The following ATG7 variants were observed in gnomAD, a reference collection of about 807,000 sequenced individuals.
The protein encoded by ATG7 is autophagy related 7, also known as ubiquitin-like modifier-activating enzyme ATG7.
ATG7 carries 70 observed loss-of-function variants against 82.4 expected under a neutral mutation model. The ratio of observed to expected loss-of-function variants is 0.85; its 90% confidence interval spans 0.70 to 1.04. ATG7 has a LOEUF of 1.04. ATG7 is among the 50% of genes least tolerant of loss of function. The pLI is 0.00. For missense variants in ATG7, 792 were observed against 864.3 expected (o/e 0.92, Z 1.05); for synonymous variants, 287 against 313.0 (o/e 0.92, Z 0.88).
chr3:11,526,627 G>T lies in ATG7; in HGVS notation c.2080-28184G>T, dbSNP rs141814171. ...GCATTGTTGACCTATCTTGTTAGTT[G>T]TAACAGTTTGAAAATTCTTTCAGAT... is the stretch of plus-strand genomic sequence containing the variant. On this transcript the variant is annotated intron_variant, in intron 20 of 20. Coordinates refer to ENST00000693202, the MANE Select transcript of ATG7 (RefSeq NM_001349232.2). Among the ~76,000 whole-genome samples the T allele has an allele frequency of 2.0e-3, 311 of 152,252 alleles. 3 individuals carry two copies. The highest frequency in any genetic ancestry group is 2.6e-3 in the Non-Finnish European group (176 of 68,002).
At chr3:11,413,646 T>A (rs767576025) in intron 19 of ATG7, among the ~76,000 whole-genome samples, 8 of 152,360 alleles carry the variant, frequency 5.3e-5, no homozygotes, top group Non-Finnish European at 1.2e-4. Context: ...TTACTGTTAT[T>A]TCATTGAGGA....
intron 18 of ATG7, among the ~76,000 whole-genome samples, chr3:11,376,384 G>C (rs948563640): frequency 6.6e-6 from 1 of 152,156 alleles, no homozygotes; most frequent in East Asian, 1.9e-4. Context: ...ATTCCTCAAG[G>C]TATTTTGGGC....
chr3:11,451,016 T>C (rs1052086318), intron 20 of ATG7, among the ~76,000 whole-genome samples: 2 of 152,176 alleles, frequency 1.3e-5, no homozygotes, highest in African/African-American at 4.8e-5. Context: ...AATACAGTCA[T>C]TATGGCACAG....
rs574523805 is a variant in ATG7 at position 11,519,539 on chromosome 3, G to GTTTTTTT, written c.2080-35240_2080-35234dup. 1.4e-4 allele frequency among the ~76,000 whole-genome samples: 9 copies of GTTTTTTT among 62,210 alleles called. 2 individuals are homozygous for GTTTTTTT. Among genetic ancestry groups the GTTTTTTT allele is most frequent in the Non-Finnish European group, 2.7e-4 (8 of 30,044 alleles). The allele number at this position is 62,210 out of a possible 152,430, so 40.8% of individuals were successfully genotyped here. ...TCATGAAAGGCAGGCAGTGAGAGGA[G>GTTTTTTT]TTTTTTTTTTTTTTTTTTTTTTTTT... On this transcript the variant is annotated intron_variant, in intron 20 of 20. Coordinates refer to ENST00000693202, the MANE Select transcript of ATG7 (RefSeq NM_001349232.2).
At chr3:11,402,424 C>T (rs1442979436) in intron 19 of ATG7, among the ~76,000 whole-genome samples, 1 of 152,168 alleles carries the variant, frequency 6.6e-6, no homozygotes. Context: ...TAGAGTGAGA[C>T]TCCGTCTCAA....
chr3:11,539,670 T>C (rs926020413), intron 20 of ATG7, among the ~76,000 whole-genome samples: 9 of 152,248 alleles, frequency 5.9e-5, no homozygotes, highest in African/African-American at 2.2e-4. Flanking sequence ...GTTTTTATAT[T>C]GTGAAACTCC....
At chr3:11,561,436 C>T (rs9855241), downstream of ATG7, among the ~76,000 whole-genome samples, 19,337 of 152,180 alleles carry the variant, frequency 0.13, 1,576 homozygotes, top group Middle Eastern at 0.2. Context: ...TAACCGGTCA[C>T]CTGCAGATGT....
rs1397776346 is a variant in ATG7 at position 11,294,352 on chromosome 3, C to A, written c.-10-4334C>A. ...TCTCGTGCCTCAGCCTCCCAAGTAG[C>A]TGGGATTACAGGTGCACTCCACTAC... is the stretch of plus-strand genomic sequence containing the variant. On this transcript the variant is annotated intron_variant, in intron 3 of 20. Transcript: ENST00000693202. Among the ~76,000 whole-genome samples, 6 of 151,880 alleles carry A rather than the reference C, an allele frequency of 4.0e-5. No homozygotes were observed. The South Asian group carries it at 1.2e-3, about 32-fold the overall frequency.
At chr3:11,481,696 G>C (rs1328078311) in intron 20 of ATG7, among the ~76,000 whole-genome samples, 1 of 152,190 alleles carries the variant, frequency 6.6e-6, no homozygotes, top group Non-Finnish European at 1.5e-5. Context: ...GAGCTTTGTT[G>C]AGCTTGGAGC....
At position 11,331,923 on chromosome 3, in the gene ATG7, C is replaced by G. The variant is rs368030037; in HGVS notation, c.767+495C>G. Among the ~76,000 whole-genome samples the G allele has an allele frequency of 1.1e-4, 17 of 152,276 alleles. No individual in the cohort carries two copies. The East Asian group carries it at 2.9e-3, about 26-fold the overall frequency. ...CACCAAAAGTATTTAATAAAAATGT[C>G]TGTACCAAGTGTTGTCGAAGATGTG... On this transcript the variant is annotated intron_variant, in intron 10 of 20. Transcript: ENST00000693202.
At chr3:11,347,572 A>G (rs899558721) in intron 13 of ATG7, among the ~76,000 whole-genome samples, 1 of 152,208 alleles carries the variant, frequency 6.6e-6, no homozygotes, top group Non-Finnish European at 1.5e-5. Flanking sequence ...AACATAGACA[A>G]TTCTTATGGG....
downstream of ATG7, chr3:11,558,305 AGG>A (rs1390954858): frequency 1.7e-6 from 1 of 593,980 alleles, no homozygotes; most frequent in Non-Finnish European, 2.8e-6. Flanking sequence ...TAACTGAGGC[AGG>A]AAGTAAGGAT....
At position 11,506,587 on chromosome 3, in the gene ATG7, C is replaced by CAA. The variant is rs1275955326; in HGVS notation, c.2080-48220_2080-48219dup. Among the ~76,000 whole-genome samples the CAA allele has an allele frequency of 2.9e-4, 35 of 119,508 alleles. 1 individual carries two copies. Among genetic ancestry groups the CAA allele is most frequent in the Non-Finnish European group, 4.2e-4 (25 of 59,170 alleles). The allele number at this position is 119,508 out of a possible 152,430, so 78.4% of individuals were successfully genotyped here. On this transcript the variant is annotated intron_variant, in intron 20 of 20. Transcript: ENST00000693202. ...AAAAAAAAAAAAAAAAAAAAAAACC[C>CAA]AAAAATTAGCTGGGAGTGGTGGCAG... is the stretch of plus-strand genomic sequence containing the variant.
rs554233681 is a variant in ATG7, at chr3:11,372,505, G to A, written c.1876-7467G>A. ...TATATAGTAAAATGAACCCATTTTA[G>A]TATGATTTGACAAGTGTATACACTC... On this transcript the variant is annotated intron_variant, in intron 18 of 20. Coordinates refer to ENST00000693202, the MANE Select transcript of ATG7 (RefSeq NM_001349232.2). Among the ~76,000 whole-genome samples the A allele has an allele frequency of 1.1e-4, 17 of 150,684 alleles. No individual in the cohort carries two copies. In the South Asian group the frequency reaches 3.4e-3, roughly 30 times the overall value.
Position 11,552,781 on chromosome 3 carries a change from T to C in ATG7, c.2080-2030T>C, listed in dbSNP as rs373363353. Among the ~76,000 whole-genome samples the C allele has an allele frequency of 1.4e-4, 22 of 152,238 alleles. No homozygotes were observed. In the South Asian group the frequency reaches 4.4e-3, roughly 30 times the overall value. On this transcript the variant is annotated intron_variant, in intron 20 of 20. Coordinates refer to ENST00000693202, the MANE Select transcript of ATG7 (RefSeq NM_001349232.2). ...GCATCCCCTCGAGTGGCTCAATCTG[T>C]CCAGGAGCAAGGGGTCAGCCAGGCA...
At chr3:11,312,726 A>G (rs913453052) in intron 7 of ATG7, among the ~76,000 whole-genome samples, 6 of 152,254 alleles carry the variant, frequency 3.9e-5, no homozygotes, top group African/African-American at 1.4e-4. Flanking sequence ...TCAGGCATGC[A>G]TACATATGTG....
chr3:11,492,908 G>A (rs548458953), intron 20 of ATG7, among the ~76,000 whole-genome samples: 1 of 152,376 alleles, frequency 6.6e-6, no homozygotes, highest in Admixed American at 6.5e-5. Flanking sequence ...AGGCCCCAGA[G>A]GGCATGTTAC....
intron 11 of ATG7, among the ~76,000 whole-genome samples, chr3:11,337,068 C>G (rs1254684478): frequency 2.6e-5 from 4 of 152,198 alleles, no homozygotes; most frequent in South Asian, 2.1e-4. Context: ...ATGGCAGACA[C>G]TGCTGCGGGT....
intron 19 of ATG7, among the ~76,000 whole-genome samples, chr3:11,382,784 TG>T (rs2078010879): frequency 6.6e-6 from 1 of 152,250 alleles, no homozygotes; most frequent in East Asian, 1.9e-4. Context: ...AGAGTATTTT[TG>T]GGTAACTTTC....
Sources: allele counts gnomAD v4.1 joint callset (sites outside exome capture counted in the v4.1 genomes callset), GRCh38; gene constraint gnomAD v4.1.1; transcripts MANE v1.5; gene names NCBI Gene and HGNC (gene_info 2026-07-23, HGNC 2026-07-21).